LYRM4: variants seen among roughly 807,000 people sequenced by gnomAD.
The protein encoded by LYRM4 is LYR motif containing 4.
A neutral mutation model predicts 11.7 loss-of-function variants in LYRM4; 9 were observed. The ratio of observed to expected loss-of-function variants is 0.77; its 90% CI spans 0.46 to 1.34. The LOEUF (loss-of-function observed/expected upper bound fraction) is 1.34. Among genes scored for constraint, LYRM4 ranks in the 40% most tolerant of loss-of-function variants. LYRM4 has a pLI of 0.00. For missense variants in LYRM4, 133 were observed against 112.5 expected (o/e 1.18, Z -0.82); for synonymous variants, 42 against 40.4 (o/e 1.04, Z -0.15).
intron 2 of LYRM4, among the ~76,000 whole-genome samples, chr6:5,128,425 G>C (rs1763793810): frequency 6.6e-6 from 1 of 152,192 alleles, no homozygotes; most frequent in Admixed American, 6.5e-5. Context: ...TCACTCAGGA[G>C]TAAATGGAAC....
intron 2 of LYRM4, among the ~76,000 whole-genome samples, chr6:5,201,680 G>C (rs1320439279): frequency 1.3e-5 from 2 of 152,146 alleles, no homozygotes; most frequent in East Asian, 3.8e-4. Context: ...GGGGCAGTCA[G>C]GAATCACGGG....
rs1762763703 is a variant in LYRM4 at position 5,109,149 on chromosome 6, C to T, written c.*274G>A. On this transcript the variant is annotated 3_prime_UTR_variant, in exon 3 of 3. Coordinates refer to ENST00000330636, the MANE Select transcript of LYRM4 (RefSeq NM_020408.6). Reference sequence around the variant, plus strand: ...TGCTATACACAATGGTCATGAGCTACAAGGTAGGAATGGGGTGCAGGGGAG... The same window carrying T: ...TGCTATACACAATGGTCATGAGCTATAAGGTAGGAATGGGGTGCAGGGGAG... The T allele has an allele frequency of 1.5e-6, 2 of 1,290,954 alleles. No individual in the cohort carries two copies. Among genetic ancestry groups the T allele is most frequent in the African/African-American group, 1.5e-5 (1 of 67,554 alleles). The allele number at this position is 1,290,954 out of a possible 1,614,324, so 80.0% of individuals were successfully genotyped here. A position where few individuals can be genotyped will look rare whatever the true frequency, so the allele number is the denominator to read the frequency against.
intron 2 of LYRM4, among the ~76,000 whole-genome samples, chr6:5,208,518 T>C (rs1408548350): frequency 6.6e-6 from 1 of 152,194 alleles, no homozygotes; most frequent in Non-Finnish European, 1.5e-5. Context: ...ATGGGAGCAC[T>C]CCAGCACATG....
the LYRM4 span, among the ~76,000 whole-genome samples, chr6:5,059,233 C>T: frequency 2.0e-5 from 3 of 150,458 alleles, no homozygotes; most frequent in Admixed American, 1.3e-4. Context: ...CTTAGCTACC[C>T]GGGAGGCTGA....
intron 1 of LYRM4, among the ~76,000 whole-genome samples, chr6:5,235,555 T>C (rs9405810): frequency 1.3e-5 from 2 of 152,324 alleles, no homozygotes; most frequent in East Asian, 3.9e-4. Flanking sequence ...ATAGCCATTA[T>C]AGCAAATTGC....
At chr6:5,145,282 C>T (rs931890674) in intron 2 of LYRM4, among the ~76,000 whole-genome samples, 5 of 152,184 alleles carry the variant, frequency 3.3e-5, no homozygotes, top group Admixed American at 1.3e-4. Context: ...AGTGCAGTTT[C>T]GGTGAGTGGA....
At chr6:5,224,974 C>T (rs559785580) in intron 1 of LYRM4, among the ~76,000 whole-genome samples, 21 of 150,112 alleles carry the variant, frequency 1.4e-4, no homozygotes, top group African/African-American at 3.7e-4. Context: ...ATAGGCTGGG[C>T]GCCATGGCTC....
chr6:5,248,650 G>A (rs1764300763), intron 1 of LYRM4, among the ~76,000 whole-genome samples: 1 of 152,214 alleles, frequency 6.6e-6, no homozygotes, highest in Non-Finnish European at 1.5e-5. Flanking sequence ...GCCCTTCACA[G>A]CTCAGGTCAG....
chr6:5,172,683 C>T (rs1970010), intron 2 of LYRM4, among the ~76,000 whole-genome samples: 47,815 of 152,006 alleles, frequency 0.31, 8,182 homozygotes, highest in African/African-American at 0.46. Flanking sequence ...GACAGAAACA[C>T]GCACCAAAAA....
At chr6:5,092,303 C>G in the LYRM4 span, among the ~76,000 whole-genome samples, 2 of 152,114 alleles carry the variant, frequency 1.3e-5, no homozygotes, top group Non-Finnish European at 2.9e-5. Context: ...GGTAAAGAAC[C>G]CTTGTCATCA....
chr6:5,060,797 G>A, the LYRM4 span, among the ~76,000 whole-genome samples: 5 of 152,238 alleles, frequency 3.3e-5, no homozygotes, highest in African/African-American at 1.2e-4. Context: ...CAAAGTGCTA[G>A]GATTACAGGC....
chr6:5,114,484 T>A (rs1763030544), intron 2 of LYRM4, among the ~76,000 whole-genome samples: 1 of 152,200 alleles, frequency 6.6e-6, no homozygotes, highest in African/African-American at 2.4e-5. Flanking sequence ...CGAAGGCCGG[T>A]GCAGAGAAGG....
chr6:5,192,854 C>T (rs1345654202), intron 2 of LYRM4, among the ~76,000 whole-genome samples: 1 of 152,122 alleles, frequency 6.6e-6, no homozygotes, highest in Non-Finnish European at 1.5e-5. Flanking sequence ...GGCAAAACCC[C>T]ATCTCTACTA....
At chr6:5,225,351 A>C (rs1762824411) in intron 1 of LYRM4, among the ~76,000 whole-genome samples, 1 of 152,184 alleles carries the variant, frequency 6.6e-6, no homozygotes. Flanking sequence ...TCCCTTAAAC[A>C]ACCAGTTCTC....
chr6:5,126,044 A>G (rs9405800), intron 2 of LYRM4, among the ~76,000 whole-genome samples: 27,730 of 152,282 alleles, frequency 0.18, 2,763 homozygotes, highest in African/African-American at 0.24. Flanking sequence ...TTTCTGAATT[A>G]GAGTAATACG....
intron 1 of LYRM4, among the ~76,000 whole-genome samples, chr6:5,221,380 C>T (rs974858291): frequency 6.6e-6 from 1 of 152,218 alleles, no homozygotes; most frequent in African/African-American, 2.4e-5. Context: ...AATATAGACT[C>T]TTCCAGTGAA....
chr6:5,044,570 T>C, the LYRM4 span, among the ~76,000 whole-genome samples: 1 of 152,214 alleles, frequency 6.6e-6, no homozygotes, highest in East Asian at 1.9e-4. Flanking sequence ...CTGACGTGTT[T>C]GTTGGATTTG....
At chr6:5,058,948 T>G in the LYRM4 span, among the ~76,000 whole-genome samples, 1 of 152,208 alleles carries the variant, frequency 6.6e-6, no homozygotes, top group African/African-American at 2.4e-5. Flanking sequence ...TGGAAAGAGA[T>G]GAAAAGCATA....
chr6:5,162,423 C>T (rs1403940505), intron 2 of LYRM4, among the ~76,000 whole-genome samples: 2 of 152,044 alleles, frequency 1.3e-5, no homozygotes, highest in South Asian at 2.1e-4. Flanking sequence ...TACTGACCCT[C>T]GACAGTGAGC....
Sources: gnomAD v4.1 joint callset for allele counts (sites outside exome capture counted in the v4.1 genomes callset) on GRCh38, gnomAD v4.1.1 for gene constraint, MANE v1.5 for transcripts, NCBI Gene and HGNC (gene_info 2026-07-23, HGNC 2026-07-21) for gene names.